The following EPHA8 variants were observed in gnomAD, a reference collection of about 807,000 sequenced individuals.
EPHA8 encodes EPH receptor A8, also known as ephrin type-A receptor 8.
Under a neutral mutation model 103.6 loss-of-function variants are expected in EPHA8, and 58 were observed. That is an observed-to-expected ratio of 0.56 (90% CI 0.45 to 0.70). EPHA8 has a LOEUF of 0.70. Among genes scored for constraint, EPHA8 ranks in the 30% least tolerant of loss-of-function variants. The pLI, the probability that EPHA8 is intolerant of heterozygous loss-of-function variation, is 0.00. For missense variants in EPHA8, 1,304 were observed against 1,395.2 expected (o/e 0.93, Z 1.04); for synonymous variants, 559 against 572.5 (o/e 0.98, Z 0.34).
chr1:22,601,784 G>T lies in EPHA8; in HGVS notation c.*43G>T, dbSNP rs374520812. 1.9e-4 allele frequency: 297 copies of T among 1,528,478 alleles called. 2 individuals are homozygous for T. In the African/African-American group the frequency reaches 3.6e-3, roughly 18 times the overall value. 94.7% of individuals were successfully genotyped at this position (1,528,478 alleles called of 1,614,324 possible). A position where few individuals can be genotyped will look rare whatever the true frequency, so the allele number is the denominator to read the frequency against. Reference sequence around the variant, plus strand: ...CCAGGCAGCCACCAAGCCCACCCCAGGTCATGCCAGCGGCAGAGGACGTGA... The same window carrying T: ...CCAGGCAGCCACCAAGCCCACCCCATGTCATGCCAGCGGCAGAGGACGTGA... On this transcript the variant is annotated 3_prime_UTR_variant, in exon 17 of 17. Coordinates refer to ENST00000166244, the MANE Select transcript of EPHA8 (RefSeq NM_020526.5).
At chr1:22,570,771 G>A (rs1046162189) in intron 2 of EPHA8, among the ~76,000 whole-genome samples, 2 of 152,230 alleles carry the variant, frequency 1.3e-5, no homozygotes, top group African/African-American at 4.8e-5. Context: ...GGAAGCCCTC[G>A]TCACCTGACC....
Position 22,597,842 on chromosome 1 carries a change from C to T in EPHA8, c.2097C>T (p.Leu699=), listed in dbSNP as rs1021033943. 30 of 1,610,562 alleles carry T rather than the reference C, an allele frequency of 1.9e-5. No homozygotes were observed. The highest frequency in any genetic ancestry group is 1.7e-4 in the Middle Eastern group (1 of 6,046). ...GQFDHPNIIR[L]EGVVTRGRLA... ...TCGACCATCCCAACATCATCCGCCT[C>T]GAGGGTGTCGTCACCCGTGGTAGGT... Residue 699 remains leucine, a synonymous_variant, in exon 11 of 17, where the codon CTC becomes CTT. Transcript: ENST00000166244. The surrounding 1 kb of genome is among the most constrained non-coding windows in gnomAD (Gnocchi z 4.6).
chr1:22,588,029 T>G (rs1017141732), intron 4 of EPHA8, among the ~76,000 whole-genome samples: 1 of 152,210 alleles, frequency 6.6e-6, no homozygotes, highest in African/African-American at 2.4e-5. Flanking sequence ...GTTCAGTGCC[T>G]TTAGGTTCTG....
intron 2 of EPHA8, among the ~76,000 whole-genome samples, chr1:22,575,930 C>T (rs12029087): frequency 6.6e-6 from 1 of 152,036 alleles, no homozygotes; most frequent in African/African-American, 2.4e-5. Flanking sequence ...CAGACAGGAC[C>T]GATTCCCGTC....
intron 9 of EPHA8, 102 bp downstream of exon 9, chr1:22,596,275 G>T: frequency 8.5e-7 from 1 of 1,177,560 alleles, no homozygotes; most frequent in Non-Finnish European, 1.2e-6. Context: ...GGTGCCCAGT[G>T]AAAAAACCAG....
chr1:22,596,208 G>A, intron 9 of EPHA8, 35 bp downstream of exon 9: 1 of 1,603,990 alleles, frequency 6.2e-7, no homozygotes, highest in South Asian at 1.1e-5. Flanking sequence ...GGGGCAGAGG[G>A]AAGGCCACAG....
chr1:22,584,460 G>A (rs1311572444), intron 3 of EPHA8, among the ~76,000 whole-genome samples: 3 of 152,220 alleles, frequency 2.0e-5, no homozygotes, highest in African/African-American at 4.8e-5. Flanking sequence ...ACTTCAGGGC[G>A]TTACCATTTC....
In EPHA8 at chr1:22,601,701, C is replaced by T. The variant is rs150038826; in HGVS notation, c.2978C>T (p.Ala993Val). 299 of 1,579,318 alleles carry T rather than the reference C, an allele frequency of 1.9e-4. No individual in the cohort carries two copies. The highest frequency in any genetic ancestry group is 3.8e-5 in the Non-Finnish European group (44 of 1,162,538). The change falls in exon 17 of 17, where the codon GCC (alanine) becomes GTC (valine). Residue 993 changes from alanine to valine, a missense_variant. Coordinates refer to ENST00000166244, the MANE Select transcript of EPHA8 (RefSeq NM_020526.5). ...CTGGGCAGCATTCAGACCATGCGGG[C>T]CCAGCTGACCAGCACCCAGGGGCCC... ...KILGSIQTMR[A>V]QLTSTQGPRR...
intron 8 of EPHA8, 122 bp from the exon 9 acceptor site, chr1:22,595,984 C>G: frequency 2.4e-6 from 2 of 818,206 alleles, no homozygotes; most frequent in Non-Finnish European, 4.0e-6. Flanking sequence ...TTGTAAGGAG[C>G]AGGAGCTGAC....
intron 5 of EPHA8, among the ~76,000 whole-genome samples, chr1:22,591,758 C>T (rs1264499568): frequency 6.6e-6 from 1 of 152,148 alleles, no homozygotes; most frequent in African/African-American, 2.4e-5. Flanking sequence ...GCTGCTAGGC[C>T]GTGGCCTGGC....
At chr1:22,587,218 T>G (rs1641239880) in intron 4 of EPHA8, among the ~76,000 whole-genome samples, 1 of 152,250 alleles carries the variant, frequency 6.6e-6, no homozygotes. Flanking sequence ...GTATCGTGTT[T>G]GGATGCCTGC....
In EPHA8 at chr1:22,593,626, C is replaced by T. The variant is rs757390422; in HGVS notation, c.1543C>T (p.Arg515Cys). Residue 515 changes from arginine (R) to cysteine (C), a missense_variant, in exon 7 of 17, where the codon CGC becomes TGC. Arg to Cys is a radical substitution (Grantham distance 180). Transcript: ENST00000166244. ...CCGCTACGTGTTCCAGGTCCGAGCC[C>T]GCACCTCAGCAGGCTGTGGCCGCTT... ...GTRYVFQVRARTSAGCGRFSQ... is the reference protein window; with the variant it reads ...GTRYVFQVRACTSAGCGRFSQ... 3.7e-6 allele frequency: 6 copies of T among 1,608,606 alleles called. No homozygotes were observed. Among genetic ancestry groups the T allele is most frequent in the South Asian group, 1.1e-5 (1 of 90,192 alleles).
In EPHA8 at chr1:22,601,049, G is replaced by T. The variant is rs772315293; in HGVS notation, c.2690G>T (p.Arg897Leu). 8 of 1,611,452 alleles carry T rather than the reference G, an allele frequency of 5.0e-6. No individual in the cohort carries two copies. Among genetic ancestry groups the T allele is most frequent in the African/African-American group, 1.3e-5 (1 of 74,900 alleles). Residue 897 changes from arginine to leucine, a missense_variant, in exon 15 of 17, where the codon CGC becomes CTC. Arg to Leu is a moderately radical substitution (Grantham distance 102). Transcript: ENST00000166244. ...GTCAGTGTCCTCGATGCGCTCATCC[G>T]CAGCCCTGAGAGTCTCAGGGCCACC... ...QIVSVLDALI[R>L]SPESLRATAT... is the part of the protein sequence containing the mutation.
chr1:22,594,464 AG>A lies in EPHA8; in HGVS notation c.1604-765del, dbSNP rs1374915353. Among the ~76,000 whole-genome samples the A allele has an allele frequency of 7.2e-5, 11 of 152,330 alleles. 1 individual carries two copies. The highest frequency in any genetic ancestry group is 2.6e-4 in the African/African-American group (11 of 41,582). ...TTCCCAGTCCTCACCCCAGCCCTTC[AG>A]AAACTCTGTGGGTGGGCCCAGCCAT... On this transcript the variant is annotated intron_variant, in intron 7 of 16. Transcript: ENST00000166244.
chr1:22,595,267 C>T lies in EPHA8; in HGVS notation c.1641C>T (p.Cys547=). Residue 547 remains cysteine, a synonymous_variant, in exon 8 of 17, where the codon TGC becomes TGT. Transcript: ENST00000166244. Reference sequence around the variant, plus strand: ...ACACCAGGACCATTGTCTGGATCTGCCTGACGCTCATCACGGGCCTGGTGG... The same window carrying T: ...ACACCAGGACCATTGTCTGGATCTGTCTGACGCTCATCACGGGCCTGGTGG... ...RYDTRTIVWI[C]LTLITGLVVL... is the part of the protein sequence containing the mutation. The T allele has an allele frequency of 1.9e-6, 3 of 1,613,896 alleles. No homozygotes were observed. Among genetic ancestry groups the T allele is most frequent in the Admixed American group, 1.7e-5 (1 of 60,022 alleles).
intron 3 of EPHA8, among the ~76,000 whole-genome samples, chr1:22,581,990 G>C (rs1037273577): frequency 2.0e-5 from 3 of 152,160 alleles, no homozygotes; most frequent in Admixed American, 6.5e-5. Context: ...AGCCCTGCCT[G>C]GTCCCCCTTT....
At chr1:22,596,220 G>C in intron 9 of EPHA8, 47 bp downstream of exon 9, 1 of 1,588,368 alleles carries the variant, frequency 6.3e-7, no homozygotes, top group Non-Finnish European at 8.6e-7. Context: ...AGGCCACAGG[G>C]GGACCCAGTG....
intron 8 of EPHA8, among the ~76,000 whole-genome samples, chr1:22,595,787 C>T (rs1432933500): frequency 6.6e-6 from 1 of 152,234 alleles, no homozygotes; most frequent in African/African-American, 2.4e-5. Context: ...CCACAGAAGC[C>T]TCATCTCCCA....
At chr1:22,566,766 A>G (rs1640370597) in intron 1 of EPHA8, among the ~76,000 whole-genome samples, 1 of 152,094 alleles carries the variant, frequency 6.6e-6, no homozygotes, top group African/African-American at 2.4e-5. Flanking sequence ...GGTGGGCCTA[A>G]TGGTGGCGTT....
Sources: gnomAD v4.1 joint callset for allele counts (sites outside exome capture counted in the v4.1 genomes callset) on GRCh38, gnomAD v4.1.1 for gene constraint, Gnocchi (gnomAD v3.1) non-coding constraint, MANE v1.5 for transcripts, NCBI Gene and HGNC (gene_info 2026-07-23, HGNC 2026-07-21) for gene names.